The following DLG2 variants were observed in gnomAD, a reference collection of about 807,000 sequenced individuals.
The protein encoded by DLG2 is discs large MAGUK scaffold protein 2, also known as disks large homolog 2.
Under a neutral mutation model 132.5 loss-of-function variants are expected in DLG2, and 45 were observed. The ratio of observed to expected loss-of-function variants is 0.34; its 90% CI spans 0.27 to 0.44. The LOEUF is 0.44. DLG2 is among the 20% of genes least tolerant of loss of function. The pLI, the probability that DLG2 is intolerant of heterozygous loss-of-function variation, is 1.00. For synonymous variants in DLG2, 424 were observed against 419.6 expected, an observed-to-expected ratio of 1.01 and a Z score of -0.13; for missense variants, 1,045 against 1,196.9, an observed-to-expected ratio of 0.87 and a Z score of 1.87.
chr11:85,390,911 C>T (rs1341921108), intron 3 of DLG2, among the ~76,000 whole-genome samples: 2 of 151,842 alleles, frequency 1.3e-5, no homozygotes, highest in African/African-American at 4.8e-5. Flanking sequence ...CAAACCCACA[C>T]ACAGAAGAAG....
chr11:83,884,645 A>G (rs1017355701), intron 15 of DLG2, among the ~76,000 whole-genome samples: 1 of 152,196 alleles, frequency 6.6e-6, no homozygotes, highest in Non-Finnish European at 1.5e-5. Context: ...CTGCCTCCTC[A>G]AGTGGGTCCC....
chr11:85,196,196 G>A (rs2081055264), intron 4 of DLG2, among the ~76,000 whole-genome samples: 1 of 152,138 alleles, frequency 6.6e-6, no homozygotes, highest in Admixed American at 6.5e-5. Flanking sequence ...CACTCCAGTG[G>A]CATTTTCATT....
chr11:84,131,881 T>A (rs1387376105), intron 9 of DLG2, among the ~76,000 whole-genome samples: 2 of 151,986 alleles, frequency 1.3e-5, no homozygotes. Context: ...ACTGGATGCA[T>A]TATCATGTAT....
chr11:85,287,953 T>C (rs1428052642), intron 3 of DLG2, among the ~76,000 whole-genome samples: 1 of 152,034 alleles, frequency 6.6e-6, no homozygotes, highest in Non-Finnish European at 1.5e-5. Flanking sequence ...TACATATACA[T>C]GTAACAAAAC....
At chr11:84,017,801 G>A (rs1050923056) in intron 11 of DLG2, among the ~76,000 whole-genome samples, 3 of 151,940 alleles carry the variant, frequency 2.0e-5, no homozygotes, top group Non-Finnish European at 4.4e-5. Flanking sequence ...AAAGTATTTA[G>A]TACCTACTAT....
chr11:85,608,743 TC>T (rs2080774869), intron 2 of DLG2, among the ~76,000 whole-genome samples: 1 of 152,124 alleles, frequency 6.6e-6, no homozygotes, highest in Non-Finnish European at 1.5e-5. Flanking sequence ...TTTCTCCCTC[TC>T]TGATTTAAAG....
At chr11:84,533,546 T>G (rs1041520662) in intron 7 of DLG2, among the ~76,000 whole-genome samples, 2 of 152,218 alleles carry the variant, frequency 1.3e-5, no homozygotes, top group African/African-American at 2.4e-5. Flanking sequence ...CTAATACATT[T>G]TTAGCATACC....
intron 3 of DLG2, among the ~76,000 whole-genome samples, chr11:85,516,636 C>G (rs553559165): frequency 6.6e-6 from 1 of 152,130 alleles, no homozygotes; most frequent in South Asian, 2.1e-4. Flanking sequence ...TCAGAAACTA[C>G]TATGAACATC....
intron 10 of DLG2, among the ~76,000 whole-genome samples, chr11:84,093,290 G>C (rs1044267667): frequency 1.3e-5 from 2 of 152,066 alleles, no homozygotes; most frequent in Admixed American, 1.3e-4. Context: ...TGAGTTTGTG[G>C]GACTGAGGTC....
At chr11:84,652,243 T>TTG (rs945537487) in intron 6 of DLG2, among the ~76,000 whole-genome samples, 2 of 152,086 alleles carry the variant, frequency 1.3e-5, no homozygotes, top group Non-Finnish European at 2.9e-5. Context: ...GTGTGCCTGT[T>TTG]TGTGTGTGTG....
At chr11:85,127,158 G>T (rs1216960052) in intron 5 of DLG2, among the ~76,000 whole-genome samples, 1 of 151,930 alleles carries the variant, frequency 6.6e-6, no homozygotes, top group South Asian at 2.1e-4. Flanking sequence ...TCTATATCTT[G>T]TTACTCATAT....
intron 6 of DLG2, among the ~76,000 whole-genome samples, chr11:84,730,791 T>C (rs2063063017): frequency 6.6e-6 from 1 of 152,064 alleles, no homozygotes; most frequent in South Asian, 2.1e-4. Flanking sequence ...CACTCTATTA[T>C]GTCACAAGAA....
Position 85,399,927 on chromosome 11 carries a change from C to A in DLG2, c.41-114562G>T, listed in dbSNP as rs376709591. On this transcript the variant is annotated intron_variant, in intron 3 of 27. Transcript: ENST00000376104. ...AATGGCAACAAAAGCCAAAATTGAC[C>A]AATGGGATCTAATTAAACTCAAGAG... Among the ~76,000 whole-genome samples, 1,199 of 152,006 alleles carry A rather than the reference C, an allele frequency of 7.9e-3. 17 individuals are homozygous for A. The highest frequency in any genetic ancestry group is 0.027 in the African/African-American group (1,115 of 41,446).
intron 4 of DLG2, among the ~76,000 whole-genome samples, chr11:85,235,573 G>C (rs1244457510): frequency 6.6e-6 from 1 of 151,844 alleles, no homozygotes; most frequent in Non-Finnish European, 1.5e-5. Context: ...AAGGGAGTTG[G>C]GGGAAGACGG....
intron 6 of DLG2, among the ~76,000 whole-genome samples, chr11:84,944,481 A>T (rs1319991440): frequency 6.6e-6 from 1 of 150,664 alleles, no homozygotes; most frequent in African/African-American, 2.4e-5. Flanking sequence ...AAGCTCACTA[A>T]TTTTTTCTTC....
At chr11:83,891,689 C>T (rs2069917661) in intron 15 of DLG2, among the ~76,000 whole-genome samples, 1 of 152,098 alleles carries the variant, frequency 6.6e-6, no homozygotes, top group South Asian at 2.1e-4. Flanking sequence ...CAAATAGAAC[C>T]CTTTACCCTG....
rs577819542 is a variant in DLG2 at position 84,751,755 on chromosome 11, G to C, written c.358-217024C>G. On this transcript the variant is annotated intron_variant, in intron 6 of 27. Coordinates refer to ENST00000376104, the MANE Select transcript of DLG2 (RefSeq NM_001142699.3). ...GCTTAATTAGCAACAAATTGCAATT[G>C]ATCACAAGGCAGTAATGTGTAGCAA... is the stretch of plus-strand genomic sequence containing the variant. 2.0e-5 allele frequency among the ~76,000 whole-genome samples: 3 copies of C among 152,256 alleles called. No homozygotes were observed. The East Asian group carries it at 5.8e-4, about 29-fold the overall frequency.
At chr11:83,578,409 C>T (rs970167011) in intron 19 of DLG2, among the ~76,000 whole-genome samples, 1 of 151,934 alleles carries the variant, frequency 6.6e-6, no homozygotes, top group Non-Finnish European at 1.5e-5. Flanking sequence ...CCTAATGACA[C>T]CAACAATCAT....
At chr11:85,477,994 C>G (rs1013785433) in intron 3 of DLG2, among the ~76,000 whole-genome samples, 2 of 151,714 alleles carry the variant, frequency 1.3e-5, no homozygotes, top group Non-Finnish European at 2.9e-5. Context: ...ATTGGGAGGG[C>G]TGAGTGGAAC....
Sources: allele counts gnomAD v4.1 joint callset (sites outside exome capture counted in the v4.1 genomes callset), GRCh38; gene constraint gnomAD v4.1.1; transcripts MANE v1.5; gene names NCBI Gene and HGNC (gene_info 2026-07-23, HGNC 2026-07-21).